The following BRINP3 variants were observed in gnomAD, a reference collection of about 807,000 sequenced individuals.
The protein encoded by BRINP3 is BMP/retinoic acid-inducible neural-specific protein 3.
BRINP3 carries 19 observed loss-of-function variants against 71.0 expected under a neutral mutation model. That is an observed-to-expected ratio of 0.27 (90% CI 0.19 to 0.39). BRINP3 has a LOEUF of 0.39. BRINP3 is among the 10% of genes least tolerant of loss of function. The pLI, the probability that BRINP3 is intolerant of heterozygous loss-of-function variation, is 1.00. For missense variants in BRINP3, 959 were observed against 940.8 expected (o/e 1.02, Z -0.25); for synonymous variants, 380 against 337.7 (o/e 1.13, Z -1.37).
Position 190,264,980 on chromosome 1 carries a change from T to C in BRINP3, c.503A>G (p.Asn168Ser), listed in dbSNP as rs1179445444. Residue 168 changes from asparagine (N) to serine (S), a missense_variant, in exon 4 of 8, where the codon AAT becomes AGT. Transcript: ENST00000367462. ...CGTCTCCAGAGTGACCGAAGAGCTA[T>C]TGGTGGTGGAATCACTTCCTTCAGC... ...KRAEGSDSTT[N>S]SSSVTLETLH... 2 of 1,611,060 alleles carry C rather than the reference T, an allele frequency of 1.2e-6. No individual in the cohort carries two copies. Among genetic ancestry groups the C allele is most frequent in the Admixed American group, 1.7e-5 (1 of 59,224 alleles).
At chr1:190,315,850 A>G (rs534034578) in intron 2 of BRINP3, among the ~76,000 whole-genome samples, 2 of 152,122 alleles carry the variant, frequency 1.3e-5, no homozygotes, top group Non-Finnish European at 2.9e-5. Context: ...TTGCAAACTC[A>G]TCACCTACCT....
rs569185956 is a variant in BRINP3 at position 190,118,833 on chromosome 1, T to C, written c.1185-19699A>G. ...GGGAAAAAGACTTTTTGTTTTTCAATAGGGAAATAGAGAAAACCTAAATTA... is the reference window on the plus strand; with the variant it reads ...GGGAAAAAGACTTTTTGTTTTTCAACAGGGAAATAGAGAAAACCTAAATTA... On this transcript the variant is annotated intron_variant, in intron 7 of 7. Transcript: ENST00000367462. Among the ~76,000 whole-genome samples, 3 of 152,310 alleles carry C rather than the reference T, an allele frequency of 2.0e-5. No homozygotes were observed. In the South Asian group the frequency reaches 6.2e-4, roughly 32 times the overall value.
chr1:190,220,090 T>C (rs1206329317), intron 6 of BRINP3, among the ~76,000 whole-genome samples: 1 of 151,938 alleles, frequency 6.6e-6, no homozygotes, highest in Non-Finnish European at 1.5e-5. Context: ...TATTCAGGTA[T>C]AGAACGATCT....
At chr1:190,348,525 A>G (rs1668168637) in intron 2 of BRINP3, among the ~76,000 whole-genome samples, 1 of 152,184 alleles carries the variant, frequency 6.6e-6, no homozygotes, top group Non-Finnish European at 1.5e-5. Flanking sequence ...TATGTCTAAA[A>G]TTATCCTGAT....
chr1:190,380,079 T>A (rs1331516602), intron 2 of BRINP3, among the ~76,000 whole-genome samples: 1 of 151,818 alleles, frequency 6.6e-6, no homozygotes, highest in African/African-American at 2.4e-5. Context: ...CTAACTTACA[T>A]TCCTAAGAAA....
chr1:190,417,306 T>G (rs773713940), intron 2 of BRINP3, among the ~76,000 whole-genome samples: 7 of 152,162 alleles, frequency 4.6e-5, no homozygotes, highest in Admixed American at 2.0e-4. Flanking sequence ...TGGACTTCAT[T>G]CTCCTTGAAG....
intron 1 of BRINP3, among the ~76,000 whole-genome samples, chr1:190,467,934 TAGAG>T (rs1289326923): frequency 6.6e-6 from 1 of 151,480 alleles, no homozygotes; most frequent in Non-Finnish European, 1.5e-5. Context: ...ATATCTGACA[TAGAG>T]AGACTATTAA....
chr1:190,328,852 G>T (rs1325400682), intron 2 of BRINP3, among the ~76,000 whole-genome samples: 1 of 151,968 alleles, frequency 6.6e-6, no homozygotes, highest in Non-Finnish European at 1.5e-5. Flanking sequence ...ATTTTGAGAT[G>T]CAAGGTTGGT....
At chr1:190,114,560 G>GCA (rs895947626) in intron 7 of BRINP3, among the ~76,000 whole-genome samples, 2 of 151,068 alleles carry the variant, frequency 1.3e-5, no homozygotes, top group Admixed American at 1.3e-4. Context: ...GTGTGTGTGT[G>GCA]TGCATGTGTG....
At chr1:190,189,352 T>C (rs1385670862) in intron 6 of BRINP3, among the ~76,000 whole-genome samples, 1 of 152,142 alleles carries the variant, frequency 6.6e-6, no homozygotes, top group Non-Finnish European at 1.5e-5. Context: ...TTCTATTTGT[T>C]CATTATTCAG....
intron 2 of BRINP3, among the ~76,000 whole-genome samples, chr1:190,445,374 T>A (rs145506363): frequency 1.3e-5 from 2 of 152,196 alleles, no homozygotes; most frequent in African/African-American, 4.8e-5. Flanking sequence ...ATATTAGGAC[T>A]AATTTATTTA....
intron 2 of BRINP3, among the ~76,000 whole-genome samples, chr1:190,375,282 T>G (rs1245699161): frequency 6.6e-6 from 1 of 151,862 alleles, no homozygotes; most frequent in Non-Finnish European, 1.5e-5. Flanking sequence ...TAAATGTGTA[T>G]ATGTATACAT....
chr1:190,454,232 G>T (rs1180028505), intron 2 of BRINP3, among the ~76,000 whole-genome samples: 1 of 152,112 alleles, frequency 6.6e-6, no homozygotes, highest in African/African-American at 2.4e-5. Context: ...AGGTAAAAAA[G>T]GATGAGGTGA....
At chr1:190,196,516 A>G (rs780323444) in intron 6 of BRINP3, among the ~76,000 whole-genome samples, 4 of 152,160 alleles carry the variant, frequency 2.6e-5, no homozygotes, top group African/African-American at 4.8e-5. Flanking sequence ...TTCCTCAGCC[A>G]GAAATCCAAG....
intron 6 of BRINP3, among the ~76,000 whole-genome samples, chr1:190,179,770 T>A (rs1214291592): frequency 6.6e-6 from 1 of 152,110 alleles, no homozygotes; most frequent in East Asian, 1.9e-4. Flanking sequence ...CAGCTTGTGA[T>A]CTGTTAAATT....
chr1:190,227,409 T>C (rs1315788153), intron 5 of BRINP3, among the ~76,000 whole-genome samples: 1 of 151,872 alleles, frequency 6.6e-6, no homozygotes, highest in African/African-American at 2.4e-5. Context: ...ATATTAATTT[T>C]CATTTCACCT....
rs145233984 is a variant in BRINP3 at position 190,304,434 on chromosome 1, T to C, written c.237-22684A>G. ...TGATACTGGTATAAGAACAGACACA[T>C]AGACCAATGAAACAGAAGAGAGAGC... On this transcript the variant is annotated intron_variant, in intron 2 of 7. Transcript: ENST00000367462. Among the ~76,000 whole-genome samples the C allele has an allele frequency of 5.2e-3, 792 of 151,920 alleles. 5 individuals carry two copies. The highest frequency in any genetic ancestry group is 0.018 in the African/African-American group (765 of 41,498).
At chr1:190,457,935 T>C (rs1676114995) in intron 1 of BRINP3, among the ~76,000 whole-genome samples, 1 of 151,314 alleles carries the variant, frequency 6.6e-6, no homozygotes, top group Non-Finnish European at 1.5e-5. Context: ...AAAAAAAAAC[T>C]ATATTGTGTA....
chr1:190,192,442 C>A (rs1048177931), intron 6 of BRINP3, among the ~76,000 whole-genome samples: 5 of 151,226 alleles, frequency 3.3e-5, no homozygotes, highest in Non-Finnish European at 5.9e-5. Flanking sequence ...AAAATGTAAT[C>A]GAAAAAATTA....
Sources: allele counts gnomAD v4.1 joint callset (sites outside exome capture counted in the v4.1 genomes callset), GRCh38; gene constraint gnomAD v4.1.1; transcripts MANE v1.5; gene names NCBI Gene and HGNC (gene_info 2026-07-23, HGNC 2026-07-21).